The following DPH6 variants were observed in gnomAD, a reference collection of about 807,000 sequenced individuals.
The protein encoded by DPH6 is diphthine--ammonia ligase.
DPH6 carries 33 observed loss-of-function variants against 38.2 expected under a neutral mutation model. That is an observed-to-expected ratio of 0.86 (90% confidence interval 0.65 to 1.15). DPH6 has a LOEUF of 1.15. Ranked by LOEUF, DPH6 falls within the 50% of genes most tolerant of loss-of-function variation. The pLI is 0.00. For synonymous variants in DPH6, 108 were observed against 103.0 expected (o/e 1.05, Z -0.30); for missense variants, 325 against 320.0 (o/e 1.02, Z -0.12).
intron 3 of DPH6, among the ~76,000 whole-genome samples, chr15:35,241,735 A>T (rs1486645593): frequency 7.0e-6 from 1 of 141,976 alleles, no homozygotes; most frequent in East Asian, 2.2e-4. Flanking sequence ...ATTAAAACCT[A>T]ATCACCCTTA....
intron 3 of DPH6, among the ~76,000 whole-genome samples, chr15:35,332,549 ATAT>A (rs2052334190): frequency 1.3e-5 from 2 of 152,170 alleles, no homozygotes; most frequent in Non-Finnish European, 1.5e-5. Flanking sequence ...AAAAGGCCAT[ATAT>A]TATTGCAGTT....
chr15:35,465,402 T>C (rs1566920257), intron 3 of DPH6, among the ~76,000 whole-genome samples: 1 of 152,190 alleles, frequency 6.6e-6, no homozygotes, highest in Non-Finnish European at 1.5e-5. Flanking sequence ...AATAAACATT[T>C]GTGAATGCCA....
At chr15:35,350,163 A>G (rs936740143) in intron 3 of DPH6, among the ~76,000 whole-genome samples, 12 of 152,206 alleles carry the variant, frequency 7.9e-5, no homozygotes, top group Non-Finnish European at 1.6e-4. Context: ...TTTCTTCATG[A>G]GTCAGGCTTG....
chr15:35,519,119 G>C (rs925949055), intron 3 of DPH6: 3 of 151,530 alleles, frequency 2.0e-5, no homozygotes, highest in African/African-American at 7.3e-5. Context: ...ACATCTAGTT[G>C]CATTTTACAA....
chr15:35,501,572 T>A (rs2054628393), intron 3 of DPH6, among the ~76,000 whole-genome samples: 1 of 152,084 alleles, frequency 6.6e-6, no homozygotes, highest in Non-Finnish European at 1.5e-5. Flanking sequence ...GTCATTGAGT[T>A]TATTTGAGTA....
intron 5 of DPH6, among the ~76,000 whole-genome samples, chr15:35,418,123 A>C (rs1250257016): frequency 6.6e-6 from 1 of 152,092 alleles, no homozygotes; most frequent in Non-Finnish European, 1.5e-5. Flanking sequence ...GAACAGACAC[A>C]AACTGTGCTT....
chr15:35,442,103 C>G (rs534518026), intron 5 of DPH6, among the ~76,000 whole-genome samples: 8 of 151,836 alleles, frequency 5.3e-5, no homozygotes, highest in African/African-American at 1.9e-4. Flanking sequence ...AGAAAACCCA[C>G]AAAATGGGAG....
At chr15:35,203,781 T>C in the DPH6 span, among the ~76,000 whole-genome samples, 1 of 151,766 alleles carries the variant, frequency 6.6e-6, no homozygotes, top group African/African-American at 2.4e-5. Flanking sequence ...CCAATTATGT[T>C]AATTAATCTG....
intron 6 of DPH6, among the ~76,000 whole-genome samples, chr15:35,385,769 TA>T (rs1226606422): frequency 6.6e-6 from 1 of 151,962 alleles, no homozygotes; most frequent in Non-Finnish European, 1.5e-5. Context: ...ATAATAATAA[TA>T]AAAAAAGGCA....
intron 7 of DPH6, among the ~76,000 whole-genome samples, chr15:35,378,099 G>A (rs926381932): frequency 5.3e-5 from 8 of 151,862 alleles, no homozygotes; most frequent in African/African-American, 1.2e-4. Flanking sequence ...AGATTCAATC[G>A]TGGAATCTAC....
chr15:35,219,234 TA>T (rs2051428012), exon 4 of DPH6: 1 of 152,176 alleles, frequency 6.6e-6, no homozygotes, highest in African/African-American at 2.4e-5. Flanking sequence ...CTTCCAGAAT[TA>T]CTTTCTGTTT....
At chr15:35,421,834 A>T (rs1407573628) in intron 5 of DPH6, among the ~76,000 whole-genome samples, 1 of 152,064 alleles carries the variant, frequency 6.6e-6, no homozygotes, top group African/African-American at 2.4e-5. Flanking sequence ...TTGACTTCTG[A>T]AAAGATCATT....
chr15:35,493,196 T>C (rs1365816626), intron 3 of DPH6, among the ~76,000 whole-genome samples: 2 of 152,170 alleles, frequency 1.3e-5, no homozygotes, highest in Admixed American at 6.6e-5. Flanking sequence ...CAAAAGCTAA[T>C]TGGATCATTT....
chr15:35,161,978 C>T, the DPH6 span, among the ~76,000 whole-genome samples: 1 of 152,062 alleles, frequency 6.6e-6, no homozygotes, highest in East Asian at 1.9e-4. Context: ...TATTTATGCA[C>T]TTGCTCAGGC....
intron 3 of DPH6, among the ~76,000 whole-genome samples, chr15:35,333,542 T>A (rs1334054004): frequency 6.6e-6 from 1 of 152,136 alleles, no homozygotes; most frequent in Non-Finnish European, 1.5e-5. Context: ...AGTTAATACA[T>A]AAATTAATAA....
At chr15:35,339,164 C>A (rs1489138792) in intron 3 of DPH6, among the ~76,000 whole-genome samples, 1 of 151,784 alleles carries the variant, frequency 6.6e-6, no homozygotes, top group Admixed American at 6.6e-5. Context: ...CATATGTACC[C>A]TAGAACTTAA....
At position 35,224,944 on chromosome 15, in the gene DPH6, T is replaced by C. The variant is rs578070562; in HGVS notation, n.201-4362A>G. Among the ~76,000 whole-genome samples, 14 of 152,352 alleles carry C rather than the reference T, an allele frequency of 9.2e-5. 1 individual carries two copies. The South Asian group carries it at 2.9e-3, about 32-fold the overall frequency. On this transcript the variant is annotated intron_variant and non_coding_transcript_variant, in intron 3 of 3. Coordinates refer to the DPH6 transcript ENST00000560386. ...ACTTGTCAAGACTAAGATACCAACG[T>C]TGATACACTGTCAGTCACTAAACTC...
intron 3 of DPH6, chr15:35,489,386 C>T: frequency 2.7e-5 from 27 of 985,222 alleles, no homozygotes; most frequent in Non-Finnish European, 3.3e-5. Context: ...TTTTTCTGTC[C>T]TTGAAACTTT....
At chr15:35,380,563 G>T (rs574121791) in intron 7 of DPH6, among the ~76,000 whole-genome samples, 130 of 151,680 alleles carry the variant, frequency 8.6e-4, no homozygotes, top group African/African-American at 3.0e-3. Flanking sequence ...TTTCTGATTT[G>T]GTTAGTCCTA....
Sources: allele counts gnomAD v4.1 joint callset (sites outside exome capture counted in the v4.1 genomes callset), GRCh38; gene constraint gnomAD v4.1.1; transcripts MANE v1.5; gene names NCBI Gene and HGNC (gene_info 2026-07-23, HGNC 2026-07-21).